Variants in CSNK1A1 observed in about 807,000 individuals in gnomAD.
The protein encoded by CSNK1A1 is casein kinase 1 alpha 1.
In CSNK1A1, 7 loss-of-function variants were observed where a neutral mutation model predicts 46.1. That is an observed-to-expected ratio of 0.15 (90% CI 0.09 to 0.29). CSNK1A1 has a LOEUF of 0.29. CSNK1A1 is among the 10% of genes least tolerant of loss of function. The pLI, the probability that CSNK1A1 is intolerant of heterozygous loss-of-function variation, is 1.00. For missense variants in CSNK1A1, 96 were observed against 417.1 expected, an observed-to-expected ratio of 0.23 and a Z score of 6.71; for synonymous variants, 137 against 141.5, an observed-to-expected ratio of 0.97 and a Z score of 0.23.
At chr5:149,512,574 G>T (rs566717394) in intron 5 of CSNK1A1, among the ~76,000 whole-genome samples, 9 of 152,212 alleles carry the variant, frequency 5.9e-5, no homozygotes, top group African/African-American at 1.4e-4. Flanking sequence ...AGAGAGCAGA[G>T]ACTGTTACTT....
chr5:149,518,807 G>C (rs1345973405), intron 4 of CSNK1A1, among the ~76,000 whole-genome samples: 1 of 151,926 alleles, frequency 6.6e-6, no homozygotes, highest in Non-Finnish European at 1.5e-5. Flanking sequence ...GTGGGGGAGG[G>C]GGGGAAGGCA....
chr5:149,533,010 C>G (rs62377967), intron 2 of CSNK1A1, among the ~76,000 whole-genome samples: 2 of 152,170 alleles, frequency 1.3e-5, no homozygotes, highest in Non-Finnish European at 2.9e-5. Context: ...TGTTTTCCCT[C>G]TTCTTGCTGC....
chr5:149,540,584 A>G (rs1477749508), intron 2 of CSNK1A1, among the ~76,000 whole-genome samples: 2 of 152,176 alleles, frequency 1.3e-5, no homozygotes, highest in Non-Finnish European at 2.9e-5. Context: ...CAACACCAAA[A>G]TAATGCTTAA....
At chr5:149,512,559 T>C (rs1406329142) in intron 5 of CSNK1A1, among the ~76,000 whole-genome samples, 3 of 152,062 alleles carry the variant, frequency 2.0e-5, no homozygotes, top group Non-Finnish European at 2.9e-5. Context: ...TGTGAAGAAA[T>C]AGGAAGAGAG....
At chr5:149,538,757 T>C (rs1311583379) in intron 2 of CSNK1A1, among the ~76,000 whole-genome samples, 1 of 152,068 alleles carries the variant, frequency 6.6e-6, no homozygotes, top group Non-Finnish European at 1.5e-5. Context: ...ACCCCGTCTC[T>C]ACTAAAAATA....
At chr5:149,501,278 G>A in intron 9 of CSNK1A1, 2 of 985,250 alleles carry the variant, frequency 2.0e-6, no homozygotes, top group South Asian at 4.7e-5. Flanking sequence ...AAAAAAAGCT[G>A]ACAAAAATTC....
intron 2 of CSNK1A1, chr5:149,545,799 T>A (rs1762462362): frequency 1.1e-5 from 6 of 536,698 alleles, no homozygotes; most frequent in Non-Finnish European, 2.1e-5. Flanking sequence ...GACTTGGCCA[T>A]GTCTGTACCT....
rs1762618720 is a variant in CSNK1A1, at chr5:149,550,362, G to T, written c.124-181C>A. ...CCAGCCTCAAAGGCCTCTTCAGGGG[G>T]TAGTGACGAAATCCGTACGTCCTCT... is the stretch of plus-strand genomic sequence containing the variant. On this transcript the variant is annotated intron_variant, in intron 1 of 9. Transcript: ENST00000377843. This position sits in a 1 kb window ranked among gnomAD's most constrained non-coding sequence, Gnocchi z 4.3. 1.4e-6 allele frequency: 2 copies of T among 1,403,246 alleles called. No homozygotes were observed. The highest frequency in any genetic ancestry group is 2.6e-5 in the East Asian group (1 of 38,182). 86.9% of individuals were successfully genotyped at this position (1,403,246 alleles called of 1,614,324 possible). A position where few individuals can be genotyped will look rare whatever the true frequency, so the allele number is the denominator to read the frequency against.
intron 7 of CSNK1A1, 122 bp downstream of exon 7, chr5:149,509,757 G>GAGTGCAGTGGCTCGATTATAGC: frequency 1.8e-6 from 1 of 542,542 alleles, no homozygotes; most frequent in Non-Finnish European, 3.2e-6. Context: ...GCCCAGGCTG[G>GAGTGCAGTGGCTCGATTATAGC]TCTTGAACTC....
At chr5:149,503,828 G>A (rs774745345) in intron 9 of CSNK1A1, 53 of 985,214 alleles carry the variant, frequency 5.4e-5, no homozygotes, top group Non-Finnish European at 6.4e-5. Flanking sequence ...GAAGTAAAAT[G>A]TTCTAGGTCA....
chr5:149,550,052 G>C lies in CSNK1A1; in HGVS notation c.230+23C>G, dbSNP rs1184634309. 1 of 1,607,236 alleles carries C rather than the reference G, an allele frequency of 6.2e-7. No individual in the cohort carries two copies. The highest frequency in any genetic ancestry group is 8.5e-7 in the Non-Finnish European group (1 of 1,175,960). On this transcript the variant is annotated intron_variant, in intron 2 of 9. Transcript: ENST00000377843. The surrounding 1 kb of genome is among the most constrained non-coding windows in gnomAD (Gnocchi z 4.3). ...CATTCCGTGCTTCCCTCAGCGGATC[G>C]CCTATATGCACCGGGTTCTTACCGT...
intron 2 of CSNK1A1, among the ~76,000 whole-genome samples, chr5:149,543,071 G>C (rs72823569): frequency 6.6e-6 from 1 of 152,060 alleles, no homozygotes. Flanking sequence ...ACCCTGAATC[G>C]TAAGCATCTA....
Position 149,496,694 on chromosome 5 carries a change from C to A in CSNK1A1, c.*159G>T. The A allele has an allele frequency of 1.1e-6, 1 of 914,940 alleles. No individual in the cohort carries two copies. The highest frequency in any genetic ancestry group is 1.6e-6 in the Non-Finnish European group (1 of 634,658). 56.7% of individuals were successfully genotyped at this position (914,940 alleles called of 1,614,324 possible). ...TCAGGATACAGCATCACCAATGCTG[C>A]CCAGAGTCAGTTTATACTGAAATTA... On this transcript the variant is annotated 3_prime_UTR_variant, in exon 10 of 10. Coordinates refer to ENST00000377843, the MANE Select transcript of CSNK1A1 (RefSeq NM_001892.6).
intron 7 of CSNK1A1, among the ~76,000 whole-genome samples, chr5:149,507,376 T>C (rs540274924): frequency 1.2e-4 from 19 of 152,298 alleles, no homozygotes; most frequent in Admixed American, 5.2e-4. Context: ...ATATAGTGCT[T>C]TTCCTATACA....
rs964144801 is a variant in CSNK1A1, at chr5:149,494,735, C to T, written c.*2118G>A. On this transcript the variant is annotated 3_prime_UTR_variant, in exon 10 of 10. Transcript: ENST00000377843. Reference sequence around the variant, plus strand: ...CAGCTGCAGATGGAATGACGATATACCAGGACAAAAAACACCTATATTTTG... The same window carrying T: ...CAGCTGCAGATGGAATGACGATATATCAGGACAAAAAACACCTATATTTTG... 6.6e-6 allele frequency: 1 copy of T among 152,060 alleles called. No homozygotes were observed. Among genetic ancestry groups the T allele is most frequent in the Non-Finnish European group, 1.5e-5 (1 of 68,006 alleles). The allele number at this position is 152,060 out of a possible 1,614,324, so 9.4% of individuals were successfully genotyped here.
intron 2 of CSNK1A1, among the ~76,000 whole-genome samples, chr5:149,534,637 A>G (rs1285046237): frequency 2.0e-5 from 3 of 151,922 alleles, no homozygotes; most frequent in African/African-American, 7.3e-5. Flanking sequence ...TTTCTCTGTT[A>G]TAAAAACTAA....
intron 3 of CSNK1A1, among the ~76,000 whole-genome samples, chr5:149,522,880 A>C (rs547319343): frequency 6.6e-6 from 1 of 152,284 alleles, no homozygotes; most frequent in East Asian, 1.9e-4. Context: ...GAAGAGACTA[A>C]TTCTTATTTT....
intron 2 of CSNK1A1, among the ~76,000 whole-genome samples, chr5:149,539,108 T>G (rs1227830022): frequency 6.6e-6 from 1 of 152,114 alleles, no homozygotes; most frequent in Non-Finnish European, 1.5e-5. Context: ...AAGAGGTAAA[T>G]GGTTTCATAC....
intron 9 of CSNK1A1, chr5:149,501,387 CT>C: frequency 1.3e-5 from 13 of 985,408 alleles, no homozygotes; most frequent in Non-Finnish European, 1.6e-5. Context: ...AAATCTTCCC[CT>C]GTGATGTGGG....
Sources: gnomAD v4.1 joint callset for allele counts (sites outside exome capture counted in the v4.1 genomes callset) on GRCh38, gnomAD v4.1.1 for gene constraint, Gnocchi (gnomAD v3.1) non-coding constraint, MANE v1.5 for transcripts, NCBI Gene and HGNC (gene_info 2026-07-23, HGNC 2026-07-21) for gene names.